NME7: variants seen among roughly 807,000 people sequenced by gnomAD.
NME7 encodes nucleoside diphosphate kinase 7.
A neutral mutation model predicts 49.1 loss-of-function variants in NME7; 41 were observed. The observed-to-expected ratio is 0.83, with a 90% confidence interval of 0.65 to 1.08. NME7 has a LOEUF of 1.08. Ranked by LOEUF, NME7 falls within the 50% of genes least tolerant of loss-of-function variation. NME7 has a pLI of 0.00. For missense variants in NME7, 423 were observed against 463.4 expected (o/e 0.91, Z 0.80); for synonymous variants, 139 against 150.6 (o/e 0.92, Z 0.56).
chr1:169,218,684 A>G (rs1174711914), intron 10 of NME7, among the ~76,000 whole-genome samples: 2 of 62,612 alleles, frequency 3.2e-5, no homozygotes, highest in East Asian at 7.8e-4. Flanking sequence ...TTTTTTTTTT[A>G]GTAATATAGC....
intron 10 of NME7, among the ~76,000 whole-genome samples, chr1:169,185,628 C>T (rs544522297): frequency 6.6e-6 from 1 of 152,086 alleles, no homozygotes; most frequent in Non-Finnish European, 1.5e-5. Flanking sequence ...TAATCCATAG[C>T]TAGAGTTAAT....
Position 169,310,196 on chromosome 1 carries a change from A to G in NME7, c.279-116T>C, listed in dbSNP as rs983816160. ...CCTAGATCATCAAAATTTGAAATTA[A>G]TTGTATAGAAAAGTGTATTAAAGAC... On this transcript the variant is annotated intron_variant, in intron 3 of 11. Coordinates refer to ENST00000367811, the MANE Select transcript of NME7 (RefSeq NM_013330.5). 6.0e-6 allele frequency: 4 copies of G among 662,218 alleles called. No homozygotes were observed. The African/African-American group carries it at 7.6e-5, about 13-fold the overall frequency. The allele number at this position is 662,218 out of a possible 1,614,324, so 41.0% of individuals were successfully genotyped here.
intron 10 of NME7, among the ~76,000 whole-genome samples, chr1:169,183,440 AAAG>A (rs1659978572): frequency 6.6e-6 from 1 of 152,242 alleles, no homozygotes; most frequent in African/African-American, 2.4e-5. Context: ...TCCCATTTAT[AAAG>A]AAAAGAATAA....
At chr1:169,209,812 T>C (rs4656662) in intron 10 of NME7, among the ~76,000 whole-genome samples, 57,242 of 151,824 alleles carry the variant, frequency 0.38, 11,495 homozygotes, top group East Asian at 0.79. Flanking sequence ...TAGAGCCAAA[T>C]TAGACTTCCT....
chr1:169,291,666 TAATAAA>T (rs1650509436), intron 6 of NME7, among the ~76,000 whole-genome samples: 1 of 151,332 alleles, frequency 6.6e-6, no homozygotes, highest in African/African-American at 2.4e-5. Context: ...ATAATAATAA[TAATAAA>T]AAGAAATAGA....
intron 7 of NME7, among the ~76,000 whole-genome samples, chr1:169,267,721 A>G (rs1038459026): frequency 1.5e-5 from 2 of 134,106 alleles, no homozygotes; most frequent in African/African-American, 5.0e-5. Flanking sequence ...AGCTATATAC[A>G]GAAGACTAAA....
intron 10 of NME7, among the ~76,000 whole-genome samples, chr1:169,221,981 C>T (rs1661156764): frequency 6.6e-6 from 1 of 151,992 alleles, no homozygotes; most frequent in East Asian, 1.9e-4. Flanking sequence ...CCAGGCTAGT[C>T]TTGAACTCCT....
At chr1:169,275,656 C>T (rs34816984) in intron 7 of NME7, among the ~76,000 whole-genome samples, 14,736 of 129,618 alleles carry the variant, frequency 0.11, 3,709 homozygotes, top group East Asian at 0.75. Flanking sequence ...CTTCCTCTTT[C>T]CCTAATTGAA....
chr1:169,364,880 T>C (rs1208410060), intron 1 of NME7, among the ~76,000 whole-genome samples: 1 of 152,186 alleles, frequency 6.6e-6, no homozygotes, highest in Non-Finnish European at 1.5e-5. Flanking sequence ...TCTGCTAAAA[T>C]ATAGGCATAG....
chr1:169,180,791 A>G (rs115662380), intron 10 of NME7, among the ~76,000 whole-genome samples: 2,201 of 152,302 alleles, frequency 0.014, 44 homozygotes, highest in African/African-American at 0.048. Context: ...AAAATTATTA[A>G]TGAGCTTTTT....
intron 10 of NME7, among the ~76,000 whole-genome samples, chr1:169,229,113 A>C (rs886216916): frequency 3.9e-5 from 6 of 152,224 alleles, no homozygotes; most frequent in Admixed American, 2.6e-4. Context: ...AAGGAATTCC[A>C]ATTTCCTATG....
chr1:169,284,746 A>G (rs12092528), intron 7 of NME7: 61,222 of 151,890 alleles, frequency 0.4, 12,774 homozygotes, highest in East Asian at 0.79. Flanking sequence ...AATTCATCTT[A>G]AGTTAATTTT....
intron 7 of NME7, among the ~76,000 whole-genome samples, chr1:169,253,669 T>G (rs140093164): frequency 0.24 from 37,239 of 152,146 alleles, 5,529 homozygotes; most frequent in Non-Finnish European, 0.34. Flanking sequence ...TTCTAGTTTT[T>G]GCCCATTCAG....
chr1:169,193,040 A>G (rs771514437), intron 10 of NME7, among the ~76,000 whole-genome samples: 7 of 152,114 alleles, frequency 4.6e-5, no homozygotes, highest in Non-Finnish European at 1.0e-4. Context: ...GGCCAGGTGC[A>G]GTAGTTCATA....
chr1:169,247,057 C>T (rs1402022509), intron 7 of NME7: 7 of 456,090 alleles, frequency 1.5e-5, no homozygotes, highest in Middle Eastern at 3.2e-4. Context: ...GGGGTTCCTC[C>T]TCACTGTGAA....
chr1:169,201,215 A>G (rs1373280597), intron 10 of NME7, among the ~76,000 whole-genome samples: 4 of 152,148 alleles, frequency 2.6e-5, no homozygotes, highest in African/African-American at 9.7e-5. Context: ...TGGGTGACAG[A>G]GCGAGACTGT....
rs1479291143 is a variant in NME7, at chr1:169,271,801, A to G, written c.754+15502T>C. ...TAAAAATCTTTCATGCCTATACTAT[A>G]TTACAGGTAATATTAAATATATTAA... On this transcript the variant is annotated intron_variant, in intron 7 of 11. Coordinates refer to ENST00000367811, the MANE Select transcript of NME7 (RefSeq NM_013330.5). 3.0e-5 allele frequency among the ~76,000 whole-genome samples: 4 copies of G among 133,012 alleles called. 1 individual carries two copies. The highest frequency in any genetic ancestry group is 7.0e-5 in the Non-Finnish European group (4 of 56,890). The allele number at this position is 133,012 out of a possible 152,430, so 87.3% of individuals were successfully genotyped here. A position where few individuals can be genotyped will look rare whatever the true frequency, so the allele number is the denominator to read the frequency against.
chr1:169,304,905 A>C (rs1176877029), intron 4 of NME7, among the ~76,000 whole-genome samples: 1 of 152,228 alleles, frequency 6.6e-6, no homozygotes, highest in Non-Finnish European at 1.5e-5. Flanking sequence ...GGTAAAACTG[A>C]ATAACTGAAA....
At chr1:169,203,459 TGA>T (rs1413559359) in intron 10 of NME7, among the ~76,000 whole-genome samples, 1 of 152,184 alleles carries the variant, frequency 6.6e-6, no homozygotes, top group African/African-American at 2.4e-5. Context: ...TACCTCACAA[TGA>T]GAGACTGCTA....
Sources: allele counts gnomAD v4.1 joint callset (sites outside exome capture counted in the v4.1 genomes callset), GRCh38; gene constraint gnomAD v4.1.1; transcripts MANE v1.5; gene names NCBI Gene and HGNC (gene_info 2026-07-23, HGNC 2026-07-21).